TASP1: variants seen among roughly 807,000 people sequenced by gnomAD.
The protein encoded by TASP1 is threonine aspartase 1.
Under a neutral mutation model 56.6 loss-of-function variants are expected in TASP1, and 16 were observed. The ratio of observed to expected loss-of-function variants is 0.28; its 90% confidence interval spans 0.19 to 0.43. The LOEUF is 0.43. Among genes scored for constraint, TASP1 ranks in the 20% least tolerant of loss-of-function variants. The pLI is 1.00. For missense variants in TASP1, 393 were observed against 511.6 expected (o/e 0.77, Z 2.24); for synonymous variants, 179 against 184.2 (o/e 0.97, Z 0.23).
chr20:13,530,256 T>A (rs932512382), intron 9 of TASP1, among the ~76,000 whole-genome samples: 1 of 152,170 alleles, frequency 6.6e-6, no homozygotes, highest in South Asian at 2.1e-4. Flanking sequence ...ACAGACAATA[T>A]CCCTCTTAAA....
At chr20:13,178,594 G>C in the TASP1 span, among the ~76,000 whole-genome samples, 4 of 151,792 alleles carry the variant, frequency 2.6e-5, no homozygotes, top group Non-Finnish European at 5.9e-5. Context: ...CTGTCATTTG[G>C]GGCAACATAG....
the TASP1 span, among the ~76,000 whole-genome samples, chr20:13,253,972 C>G: frequency 6.6e-6 from 1 of 150,816 alleles, no homozygotes; most frequent in Non-Finnish European, 1.5e-5. Flanking sequence ...AATCCCAGCA[C>G]CTTGGGAGGC....
At chr20:13,361,278 C>T in the TASP1 span, among the ~76,000 whole-genome samples, 1 of 152,170 alleles carries the variant, frequency 6.6e-6, no homozygotes, top group Non-Finnish European at 1.5e-5. Context: ...CTGAGAAGGC[C>T]ACCGCAGTCA....
At chr20:13,511,139 T>C (rs940758724) in intron 10 of TASP1, among the ~76,000 whole-genome samples, 1 of 151,804 alleles carries the variant, frequency 6.6e-6, no homozygotes, top group East Asian at 1.9e-4. Flanking sequence ...CTGAGAAGTC[T>C]GCTGGGGAGC....
chr20:13,495,030 A>G (rs1418580016), intron 10 of TASP1, among the ~76,000 whole-genome samples: 1 of 152,204 alleles, frequency 6.6e-6, no homozygotes, highest in African/African-American at 2.4e-5. Flanking sequence ...TTCACTATAC[A>G]TATTGATTAT....
chr20:13,249,271 T>C, the TASP1 span, among the ~76,000 whole-genome samples: 9 of 152,196 alleles, frequency 5.9e-5, no homozygotes, highest in African/African-American at 1.9e-4. Flanking sequence ...GCTGCGAGCC[T>C]GCCCATTTCA....
chr20:13,569,427 A>G, intron 7 of TASP1, 80 bp downstream of exon 7: 1 of 1,082,284 alleles, frequency 9.2e-7, no homozygotes, highest in South Asian at 1.4e-5. Flanking sequence ...TATCTGTACT[A>G]CATGGGTCAT....
chr20:13,187,256 A>G, the TASP1 span, among the ~76,000 whole-genome samples: 12 of 152,178 alleles, frequency 7.9e-5, no homozygotes, highest in South Asian at 2.5e-3. Flanking sequence ...AAGGTAGAAC[A>G]TATGAGTAAT....
At chr20:13,268,469 G>A in the TASP1 span, among the ~76,000 whole-genome samples, 1 of 149,790 alleles carries the variant, frequency 6.7e-6, no homozygotes, top group African/African-American at 2.5e-5. Flanking sequence ...CAAAATGTCA[G>A]GGCAACTCCC....
the TASP1 span, among the ~76,000 whole-genome samples, chr20:13,204,841 C>A: frequency 6.6e-6 from 1 of 152,102 alleles, no homozygotes; most frequent in Admixed American, 6.6e-5. Context: ...GCCACGTGCA[C>A]CAGCCCCTTC....
intron 4 of TASP1, among the ~76,000 whole-genome samples, chr20:13,588,300 A>AGGAG (rs2047390381): frequency 8.1e-6 from 1 of 122,804 alleles, no homozygotes; most frequent in Non-Finnish European, 1.8e-5. Flanking sequence ...GAAGGAAGGA[A>AGGAG]GGAAGGAAGA....
intron 6 of TASP1, among the ~76,000 whole-genome samples, chr20:13,577,137 G>T (rs1025961079): frequency 1.3e-5 from 2 of 152,122 alleles, no homozygotes; most frequent in African/African-American, 4.8e-5. Context: ...GGTGAGCATG[G>T]GGGACAGTAG....
chr20:13,211,738 C>T, the TASP1 span, among the ~76,000 whole-genome samples: 34,066 of 151,994 alleles, frequency 0.22, 4,105 homozygotes, highest in Non-Finnish European at 0.27. Flanking sequence ...TGGTAAGAGA[C>T]AGGATTTTAT....
chr20:13,453,416 G>A (rs2043702324), intron 11 of TASP1, among the ~76,000 whole-genome samples: 1 of 152,112 alleles, frequency 6.6e-6, no homozygotes, highest in Non-Finnish European at 1.5e-5. Flanking sequence ...TAATCAGGGA[G>A]TTAACTGTTT....
chr20:13,557,891 G>T (rs1286265815), intron 8 of TASP1, among the ~76,000 whole-genome samples: 1 of 151,838 alleles, frequency 6.6e-6, no homozygotes, highest in Admixed American at 6.6e-5. Context: ...TTTTTAAAAA[G>T]GCAAAAAAGT....
the TASP1 span, among the ~76,000 whole-genome samples, chr20:13,371,453 T>A: frequency 6.9e-6 from 1 of 145,868 alleles, no homozygotes; most frequent in Non-Finnish European, 1.5e-5. Flanking sequence ...TTTACACATG[T>A]TCGTGAATTT....
At chr20:13,412,130 T>C (rs772935661) in intron 13 of TASP1, among the ~76,000 whole-genome samples, 1 of 152,214 alleles carries the variant, frequency 6.6e-6, no homozygotes, top group Non-Finnish European at 1.5e-5. Context: ...CAAGCTTTGG[T>C]GTGTTGCCAC....
At chr20:13,175,613 G>A in the TASP1 span, among the ~76,000 whole-genome samples, 6 of 152,178 alleles carry the variant, frequency 3.9e-5, no homozygotes, top group African/African-American at 9.7e-5. Context: ...GAAGTACTCT[G>A]AGAAATCATA....
the TASP1 span, among the ~76,000 whole-genome samples, chr20:13,374,570 G>A: frequency 2.6e-5 from 4 of 151,966 alleles, no homozygotes; most frequent in Admixed American, 2.0e-4. Context: ...GGATTGTCTC[G>A]ATCTCCTGAC....
Sources: allele counts gnomAD v4.1 joint callset (sites outside exome capture counted in the v4.1 genomes callset), GRCh38; gene constraint gnomAD v4.1.1; transcripts MANE v1.5; gene names NCBI Gene and HGNC (gene_info 2026-07-23, HGNC 2026-07-21).